PPM1L: variants seen among roughly 807,000 people sequenced by gnomAD.
The protein encoded by PPM1L is protein phosphatase 1L.
In PPM1L, 13 loss-of-function variants were observed where a neutral mutation model predicts 31.4. The observed-to-expected ratio is 0.41, with a 90% CI of 0.27 to 0.66. PPM1L has a LOEUF of 0.66. Ranked by LOEUF, PPM1L falls within the 30% of genes least tolerant of loss-of-function variation. The pLI, the probability that PPM1L is intolerant of heterozygous loss-of-function variation, is 0.29. For missense variants in PPM1L, 326 were observed against 453.7 expected (o/e 0.72, Z 2.56); for synonymous variants, 184 against 175.4 (o/e 1.05, Z -0.39).
chr3:161,023,814 T>C (rs1718302648), intron 2 of PPM1L, among the ~76,000 whole-genome samples: 1 of 152,000 alleles, frequency 6.6e-6, no homozygotes, highest in Non-Finnish European at 1.5e-5. Flanking sequence ...GCATTTCTTA[T>C]TTTTTTTCAC....
At chr3:160,797,894 G>T (rs1413457752) in intron 1 of PPM1L, among the ~76,000 whole-genome samples, 2 of 152,162 alleles carry the variant, frequency 1.3e-5, no homozygotes, top group Non-Finnish European at 2.9e-5. Flanking sequence ...GAAAGTGCAA[G>T]GTGGGCCGGG....
At chr3:160,775,841 A>G (rs1711546902) in intron 1 of PPM1L, among the ~76,000 whole-genome samples, 1 of 152,226 alleles carries the variant, frequency 6.6e-6, no homozygotes, top group Non-Finnish European at 1.5e-5. Context: ...ATAAAATTAA[A>G]CATAGTATTT....
chr3:160,973,767 T>TTTTTTTTTTG (rs1716440489), intron 2 of PPM1L, among the ~76,000 whole-genome samples: 2 of 42,356 alleles, frequency 4.7e-5, no homozygotes, highest in Non-Finnish European at 7.8e-5. Flanking sequence ...AGGCCCTGTT[T>TTTTTTTTTTG]TTTTTTTTTT....
chr3:161,057,279 C>G (rs1719440675), intron 2 of PPM1L, among the ~76,000 whole-genome samples: 1 of 152,094 alleles, frequency 6.6e-6, no homozygotes, highest in Non-Finnish European at 1.5e-5. Flanking sequence ...TCCGCCTCAC[C>G]TAACTAGCCA....
Position 160,909,200 on chromosome 3 carries a change from G to A in PPM1L, c.400-52536G>A, listed in dbSNP as rs373895230. 2.4e-4 allele frequency among the ~76,000 whole-genome samples: 37 copies of A among 152,294 alleles called. No individual in the cohort carries two copies. The East Asian group carries it at 5.4e-3, about 22-fold the overall frequency. The stretch of plus-strand genomic sequence containing the variant: ...AGATGGAAGAGAATGGGGCAGAGAG[G>A]CTTTTGGTGATAGTGTAGGAGGAAT... On this transcript the variant is annotated intron_variant, in intron 1 of 3. Coordinates refer to ENST00000498165, the MANE Select transcript of PPM1L (RefSeq NM_139245.4).
At chr3:160,785,398 T>C (rs1560106431) in intron 1 of PPM1L, among the ~76,000 whole-genome samples, 2 of 152,200 alleles carry the variant, frequency 1.3e-5, no homozygotes, top group Non-Finnish European at 2.9e-5. Context: ...AAATGAAGGA[T>C]GTATTACTTT....
intron 2 of PPM1L, among the ~76,000 whole-genome samples, chr3:160,987,324 T>A (rs1465534830): frequency 6.6e-6 from 1 of 152,180 alleles, no homozygotes; most frequent in East Asian, 1.9e-4. Flanking sequence ...GGTGTAATGT[T>A]AACATCATTG....
In PPM1L at chr3:161,078,849, T is replaced by C. The variant is rs920157383; in HGVS notation, c.*9692T>C. 4.6e-5 allele frequency: 7 copies of C among 152,156 alleles called. No homozygotes were observed. Among genetic ancestry groups the C allele is most frequent in the African/African-American group, 7.2e-5 (3 of 41,422 alleles). 9.4% of individuals were successfully genotyped at this position (152,156 alleles called of 1,614,324 possible). On this transcript the variant is annotated 3_prime_UTR_variant, in exon 4 of 4. Transcript: ENST00000498165. ...TTGTATAAAAATGAACAGCTAAAAA[T>C]TTACCCATGACAAGATTAAAGCAAA...
rs143926073 is a variant in PPM1L, at chr3:160,909,412, G to A, written c.400-52324G>A. On this transcript the variant is annotated intron_variant, in intron 1 of 3. Coordinates refer to ENST00000498165, the MANE Select transcript of PPM1L (RefSeq NM_139245.4). ...AAGAGACAGTAGAAAAGAAAGAGCC[G>A]GCTCTGGAAGGAAGTTAACAAATTC... Among the ~76,000 whole-genome samples, 75 of 152,236 alleles carry A rather than the reference G, an allele frequency of 4.9e-4. 1 individual carries two copies. The East Asian group carries it at 0.011, about 23-fold the overall frequency.
intron 1 of PPM1L, among the ~76,000 whole-genome samples, chr3:160,843,561 C>T (rs1166433536): frequency 1.3e-5 from 2 of 149,690 alleles, no homozygotes; most frequent in African/African-American, 4.9e-5. Flanking sequence ...TGGTGTGCTG[C>T]ACCCATTAAC....
At chr3:160,806,036 A>G (rs1440482756) in intron 1 of PPM1L, among the ~76,000 whole-genome samples, 1 of 152,112 alleles carries the variant, frequency 6.6e-6, no homozygotes, top group African/African-American at 2.4e-5. Context: ...TGCCATACCA[A>G]CTGATGTCTC....
At chr3:161,062,196 G>A (rs150330903) in intron 2 of PPM1L, among the ~76,000 whole-genome samples, 21 of 151,578 alleles carry the variant, frequency 1.4e-4, no homozygotes, top group African/African-American at 4.8e-4. Flanking sequence ...TTGAGTCCTC[G>A]TCCATGGAAT....
chr3:160,940,528 G>T (rs1257605851), intron 1 of PPM1L, among the ~76,000 whole-genome samples: 1 of 152,218 alleles, frequency 6.6e-6, no homozygotes, highest in Non-Finnish European at 1.5e-5. Context: ...AGCCACTCCA[G>T]CCTTGGCTGA....
chr3:160,926,891 G>T (rs1714612398), intron 1 of PPM1L, among the ~76,000 whole-genome samples: 1 of 152,190 alleles, frequency 6.6e-6, no homozygotes, highest in Non-Finnish European at 1.5e-5. Context: ...CTCTTTAAGA[G>T]GCAAGGCACT....
intron 1 of PPM1L, among the ~76,000 whole-genome samples, chr3:160,895,715 G>A (rs1274025551): frequency 6.6e-6 from 1 of 152,190 alleles, no homozygotes; most frequent in East Asian, 1.9e-4. Flanking sequence ...GACATCAAGA[G>A]TGTCACCTCA....
At chr3:160,943,151 C>A (rs1715216250) in intron 1 of PPM1L, among the ~76,000 whole-genome samples, 2 of 152,128 alleles carry the variant, frequency 1.3e-5, no homozygotes, top group African/African-American at 4.8e-5. Flanking sequence ...TGGAGGAGAA[C>A]CAAGAGCTTC....
chr3:160,927,028 T>G (rs2108076120), intron 1 of PPM1L, among the ~76,000 whole-genome samples: 1 of 152,356 alleles, frequency 6.6e-6, no homozygotes, highest in South Asian at 2.1e-4. Flanking sequence ...TCAGACTTGT[T>G]AGGTTTTCCA....
chr3:160,928,251 T>G (rs1292720367), intron 1 of PPM1L, among the ~76,000 whole-genome samples: 2 of 152,162 alleles, frequency 1.3e-5, no homozygotes, highest in Non-Finnish European at 2.9e-5. Context: ...TGTAAAATTG[T>G]GGGGTGGGGT....
chr3:160,960,561 TGTGTGTGTGTG>T (rs1715929704), intron 1 of PPM1L, among the ~76,000 whole-genome samples: 2 of 8,950 alleles, frequency 2.2e-4, no homozygotes, highest in African/African-American at 2.4e-4. Context: ...AGCAGTTTTG[TGTGTGTGTGTG>T]TGTGTGTGTG....
Sources: gnomAD v4.1 joint callset for allele counts (sites outside exome capture counted in the v4.1 genomes callset) on GRCh38, gnomAD v4.1.1 for gene constraint, MANE v1.5 for transcripts, NCBI Gene and HGNC (gene_info 2026-07-23, HGNC 2026-07-21) for gene names.